The following EBPL variants were observed in gnomAD, a reference collection of about 807,000 sequenced individuals.
EBPL encodes emopamil-binding protein-like.
Under a neutral mutation model 19.0 loss-of-function variants are expected in EBPL, and 20 were observed. The observed-to-expected ratio is 1.05, with a 90% CI of 0.74 to 1.53. The LOEUF is 1.53. Ranked by LOEUF, EBPL falls within the 40% of genes most tolerant of loss-of-function variation. The pLI, the probability that EBPL is intolerant of heterozygous loss-of-function variation, is 0.00. For synonymous variants in EBPL, 107 were observed against 117.0 expected, an observed-to-expected ratio of 0.91 and a Z score of 0.55; for missense variants, 219 against 261.1, an observed-to-expected ratio of 0.84 and a Z score of 1.11.
chr13:49,666,711 CAAAAAAAAAAAAA>C (rs35086927), intron 2 of EBPL, among the ~76,000 whole-genome samples: 1 of 81,016 alleles, frequency 1.2e-5, no homozygotes, highest in Non-Finnish European at 2.2e-5. Context: ...GACTCCGTCT[CAAAAAAAAAAAAA>C]AAAAAAAAAA....
intron 2 of EBPL, 39 bp from the exon 3 acceptor site, chr13:49,663,234 A>G: frequency 1.2e-6 from 2 of 1,609,464 alleles, no homozygotes; most frequent in Non-Finnish European, 1.7e-6. Flanking sequence ...AATGGCAACA[A>G]TTTTTATGAC....
At position 49,691,242 on chromosome 13, in the gene EBPL, G is replaced by C. The variant is rs758964865; in HGVS notation, c.171+12C>G. The C allele has an allele frequency of 8.7e-6, 12 of 1,373,304 alleles. No individual in the cohort carries two copies. Among genetic ancestry groups the C allele is most frequent in the African/African-American group, 1.5e-5 (1 of 66,670 alleles). 85.1% of individuals were successfully genotyped at this position (1,373,304 alleles called of 1,614,324 possible). A position where few individuals can be genotyped will look rare whatever the true frequency, so the allele number is the denominator to read the frequency against. ...GGGATGGGGAGTGCAGGGTCTAGGC[G>C]ATGGCACTTACCAGCGCGAAGTGCA... On this transcript the variant is annotated intron_variant, in intron 1 of 3. Coordinates refer to ENST00000242827, the MANE Select transcript of EBPL (RefSeq NM_032565.5).
intron 1 of EBPL, among the ~76,000 whole-genome samples, chr13:49,680,993 A>T (rs77287586): frequency 0.02 from 3,107 of 152,174 alleles, 42 homozygotes; most frequent in South Asian, 0.029. Flanking sequence ...GCCTTCAAGA[A>T]TTTTTCAGGT....
intron 2 of EBPL, among the ~76,000 whole-genome samples, chr13:49,669,239 C>G (rs765485575): frequency 6.6e-6 from 1 of 151,950 alleles, no homozygotes; most frequent in African/African-American, 2.4e-5. Context: ...CTTGCTCTGT[C>G]GCCCGGGCTG....
In EBPL at chr13:49,680,062, A is replaced by G. The variant is rs1223050797; in HGVS notation, c.172-10216T>C. Reference sequence around the variant, plus strand: ...TGGTGAGGACCCTAAGCGGAGGCCCAGGTAGTGTCTGTCAGCAGAGGGCCA... The same window carrying G: ...TGGTGAGGACCCTAAGCGGAGGCCCGGGTAGTGTCTGTCAGCAGAGGGCCA... On this transcript the variant is annotated intron_variant, in intron 1 of 3. Transcript: ENST00000242827. Among the ~76,000 whole-genome samples the G allele has an allele frequency of 1.6e-4, 24 of 152,152 alleles. 1 individual carries two copies. Among genetic ancestry groups the G allele is most frequent in the Non-Finnish European group, 2.9e-5 (2 of 68,026 alleles).
At chr13:49,680,520 G>C (rs1953930575) in intron 1 of EBPL, among the ~76,000 whole-genome samples, 3 of 152,136 alleles carry the variant, frequency 2.0e-5, no homozygotes, top group Admixed American at 1.3e-4. Context: ...GTTTGAAATT[G>C]TTCACTGTAA....
At chr13:49,674,587 C>CTTT (rs10683884) in intron 1 of EBPL, among the ~76,000 whole-genome samples, 8 of 139,658 alleles carry the variant, frequency 5.7e-5, no homozygotes, top group African/African-American at 1.6e-4. Context: ...AATGAATGGG[C>CTTT]TTTTTTTTTT....
At chr13:49,682,268 G>A (rs945396228) in intron 1 of EBPL, among the ~76,000 whole-genome samples, 3 of 152,182 alleles carry the variant, frequency 2.0e-5, no homozygotes, top group African/African-American at 7.2e-5. Flanking sequence ...GCAGTATACT[G>A]TTTGATTTAG....
chr13:49,681,079 G>T (rs1241279518), intron 1 of EBPL, among the ~76,000 whole-genome samples: 1 of 152,052 alleles, frequency 6.6e-6, no homozygotes, highest in Non-Finnish European at 1.5e-5. Context: ...AACCCAGAGG[G>T]TGATGAGGAA....
intron 3 of EBPL, 37 bp downstream of exon 3, chr13:49,663,020 T>TCC (rs1965171281): frequency 6.2e-7 from 1 of 1,611,270 alleles, no homozygotes; most frequent in Non-Finnish European, 8.5e-7. Context: ...ATGTAATGTC[T>TCC]CCCCTCCTTC....
chr13:49,661,932 G>C lies in EBPL; in HGVS notation c.381-724C>G, dbSNP rs781229111. 1.9e-6 allele frequency: 3 copies of C among 1,548,604 alleles called. No individual in the cohort carries two copies. In the South Asian group the frequency reaches 3.6e-5, roughly 18 times the overall value. ...TCACCCCAGGCCACTCTGTCCCTAAGGAAAGAAAAGGAAGGAAGGGAGGAG... is the reference window on the plus strand; with the variant it reads ...TCACCCCAGGCCACTCTGTCCCTAACGAAAGAAAAGGAAGGAAGGGAGGAG... On this transcript the variant is annotated intron_variant, in intron 3 of 3. Coordinates refer to ENST00000242827, the MANE Select transcript of EBPL (RefSeq NM_032565.5).
intron 1 of EBPL, among the ~76,000 whole-genome samples, chr13:49,684,997 C>T (rs539090253): frequency 1.3e-5 from 2 of 152,134 alleles, no homozygotes; most frequent in African/African-American, 2.4e-5. Flanking sequence ...ACTCTGCCTC[C>T]GGGGCTCAAA....
chr13:49,691,226 AGT>A, intron 1 of EBPL, 26 bp downstream of exon 1: 1 of 1,316,992 alleles, frequency 7.6e-7, no homozygotes, highest in Non-Finnish European at 9.7e-7. Context: ...TGGGATGGGG[AGT>A]GCAGGGTCTA....
At chr13:49,669,327 AGTAG>A (rs1167079745) in intron 2 of EBPL, among the ~76,000 whole-genome samples, 1 of 152,304 alleles carries the variant, frequency 6.6e-6, no homozygotes, top group South Asian at 2.1e-4. Context: ...CAGCCTCCTG[AGTAG>A]CTGGGACTAC....
At chr13:49,680,879 T>A (rs1210575556) in intron 1 of EBPL, among the ~76,000 whole-genome samples, 2 of 151,318 alleles carry the variant, frequency 1.3e-5, no homozygotes, top group African/African-American at 4.9e-5. Context: ...ATGTTAAAGT[T>A]AAAAAAAAAT....
chr13:49,665,594 A>G (rs1264493831), intron 2 of EBPL, among the ~76,000 whole-genome samples: 2 of 152,030 alleles, frequency 1.3e-5, no homozygotes, highest in Non-Finnish European at 2.9e-5. Context: ...TTTGGTAGAG[A>G]CAGGGTTTCA....
intron 2 of EBPL, among the ~76,000 whole-genome samples, chr13:49,664,670 T>G (rs764849444): frequency 4.6e-5 from 7 of 152,206 alleles, no homozygotes; most frequent in Non-Finnish European, 1.0e-4. Context: ...CCTTTAATAC[T>G]GCCTCGCATT....
At chr13:49,664,668 A>T (rs1451716937) in intron 2 of EBPL, among the ~76,000 whole-genome samples, 2 of 152,126 alleles carry the variant, frequency 1.3e-5, no homozygotes, top group Admixed American at 1.3e-4. Context: ...CCCCTTTAAT[A>T]CTGCCTCGCA....
intron 2 of EBPL, among the ~76,000 whole-genome samples, chr13:49,666,947 A>T (rs937181292): frequency 6.6e-6 from 1 of 152,082 alleles, no homozygotes; most frequent in Non-Finnish European, 1.5e-5. Context: ...CAGGCCTTAT[A>T]CCACAAGAGA....
Sources: gnomAD v4.1 joint callset for allele counts (sites outside exome capture counted in the v4.1 genomes callset) on GRCh38, gnomAD v4.1.1 for gene constraint, MANE v1.5 for transcripts, NCBI Gene and HGNC (gene_info 2026-07-23, HGNC 2026-07-21) for gene names.